CNGB3: variants seen among roughly 807,000 people sequenced by gnomAD.
The protein encoded by CNGB3 is cyclic nucleotide gated channel subunit beta 3.
In CNGB3, 86 loss-of-function variants were observed where a neutral mutation model predicts 92.8. The ratio of observed to expected loss-of-function variants is 0.93; its 90% CI spans 0.78 to 1.11. The LOEUF is 1.11. Among genes scored for constraint, CNGB3 ranks in the 50% least tolerant of loss-of-function variants. CNGB3 has a pLI of 0.00. For missense variants in CNGB3, 1,026 were observed against 956.8 expected (o/e 1.07, Z -0.95); for synonymous variants, 333 against 332.7 (o/e 1.00, Z -0.01).
At chr8:86,701,595 A>T (rs1023039228) in intron 3 of CNGB3, among the ~76,000 whole-genome samples, 8 of 152,224 alleles carry the variant, frequency 5.3e-5, no homozygotes, top group African/African-American at 1.9e-4. Context: ...AAACAGAAAG[A>T]TAACCATGCA....
At position 86,634,842 on chromosome 8, in the gene CNGB3, T is replaced by C. The variant is rs539749974; in HGVS notation, c.1179-1949A>G. On this transcript the variant is annotated intron_variant, in intron 10 of 17. Coordinates refer to ENST00000320005, the MANE Select transcript of CNGB3 (RefSeq NM_019098.5). ...TTGAGATTTTAAGATCTTCAAATAG[T>C]AAGAAGTTGAGGTTTACAAAGAAAG... Among the ~76,000 whole-genome samples the C allele has an allele frequency of 2.6e-5, 4 of 151,988 alleles. No individual in the cohort carries two copies. The South Asian group carries it at 8.3e-4, about 32-fold the overall frequency.
intron 3 of CNGB3, among the ~76,000 whole-genome samples, chr8:86,686,902 A>C (rs1824198307): frequency 6.6e-6 from 1 of 152,112 alleles, no homozygotes; most frequent in African/African-American, 2.4e-5. Flanking sequence ...AGGAACTTAT[A>C]TAATTTTTAT....
At chr8:86,635,464 G>A (rs539686738) in intron 10 of CNGB3, among the ~76,000 whole-genome samples, 65 of 151,882 alleles carry the variant, frequency 4.3e-4, no homozygotes, top group African/African-American at 1.5e-3. Context: ...ACAATCAAAT[G>A]TAAAATTTTG....
chr8:86,616,791 T>C (rs1185353995), intron 13 of CNGB3, among the ~76,000 whole-genome samples: 1 of 152,208 alleles, frequency 6.6e-6, no homozygotes, highest in Admixed American at 6.5e-5. Flanking sequence ...CTCCTGGCTT[T>C]TAGATAAGAA....
intron 3 of CNGB3, among the ~76,000 whole-genome samples, chr8:86,691,502 A>G (rs1165423403): frequency 1.3e-5 from 2 of 152,102 alleles, no homozygotes; most frequent in African/African-American, 4.8e-5. Flanking sequence ...TATGTTGGCT[A>G]TGGGTTTGTC....
chr8:86,739,781 A>C lies in CNGB3; in HGVS notation c.130-45T>G, dbSNP rs749221436. ...GATTGTATGTGATGAATTTACATAA[A>C]AATGAAGTTGAATGTAAAACATAAC... On this transcript the variant is annotated intron_variant, in intron 1 of 17. Transcript: ENST00000320005. 3.7e-6 allele frequency: 6 copies of C among 1,602,244 alleles called. No individual in the cohort carries two copies. The East Asian group carries it at 1.3e-4, about 36-fold the overall frequency.
intron 3 of CNGB3, among the ~76,000 whole-genome samples, chr8:86,692,532 A>G (rs1167586669): frequency 3.3e-5 from 5 of 152,228 alleles, no homozygotes; most frequent in East Asian, 1.9e-4. Flanking sequence ...TTTGTCTGTT[A>G]GAATAACAGC....
intron 2 of CNGB3, among the ~76,000 whole-genome samples, chr8:86,735,042 GTTTTTTTTTTTTT>G (rs60107723): frequency 2.0e-4 from 17 of 85,870 alleles, no homozygotes; most frequent in South Asian, 1.2e-3. Context: ...AATGCCGGTG[GTTTTTTTTTTTTT>G]TTTTTTTTTT....
intron 8 of CNGB3, among the ~76,000 whole-genome samples, chr8:86,645,961 A>G (rs1823286314): frequency 6.6e-6 from 1 of 151,188 alleles, no homozygotes; most frequent in African/African-American, 2.4e-5. Context: ...TGAATGGACT[A>G]TGGGGCTTTG....
intron 10 of CNGB3, among the ~76,000 whole-genome samples, chr8:86,635,083 C>A (rs1055030926): frequency 6.6e-6 from 1 of 151,480 alleles, no homozygotes; most frequent in African/African-American, 2.4e-5. Context: ...TAATTTTTTT[C>A]TAGCAGTCTT....
chr8:86,593,754 T>A, intron 15 of CNGB3: 1 of 1,267,690 alleles, frequency 7.9e-7, no homozygotes, highest in Non-Finnish European at 1.1e-6. Context: ...CGTCACCAGC[T>A]CAGGATGCCA....
rs189550419 is a variant in CNGB3 at position 86,630,405 on chromosome 8, A to G, written c.1321-1327T>C. On this transcript the variant is annotated intron_variant, in intron 11 of 17. Coordinates refer to ENST00000320005, the MANE Select transcript of CNGB3 (RefSeq NM_019098.5). ...ATAATTTGTAGTGACAGTAATTTGA[A>G]TGGTTTGTGTGATATCCTTCAGCAA... Among the ~76,000 whole-genome samples the G allele has an allele frequency of 1.3e-4, 20 of 152,266 alleles. No individual in the cohort carries two copies. In the East Asian group the frequency reaches 3.5e-3, roughly 26 times the overall value.
Position 86,576,141 on chromosome 8 carries a change from C to A in CNGB3, c.2104-11G>T, listed in dbSNP as rs773745999. ...AGAATTTTCTTTCTTCTGGAAGGAG[C>A]AATTACAAAGAACTGGTGTTGAAAT... On this transcript the variant is annotated splice_polypyrimidine_tract_variant and intron_variant, in intron 17 of 17. Transcript: ENST00000320005. The A allele has an allele frequency of 1.7e-5, 28 of 1,600,898 alleles. No homozygotes were observed. The highest frequency in any genetic ancestry group is 2.7e-5 in the African/African-American group (2 of 74,658).
intron 10 of CNGB3, among the ~76,000 whole-genome samples, chr8:86,635,861 T>TATATATATATATATATAC (rs796498363): frequency 7.5e-5 from 5 of 66,242 alleles, no homozygotes; most frequent in South Asian, 5.3e-4. Flanking sequence ...TATATATATA[T>TATATATATATATATATAC]ATACACATAC....
At chr8:86,615,594 C>T (rs956813742) in intron 13 of CNGB3, among the ~76,000 whole-genome samples, 3 of 151,616 alleles carry the variant, frequency 2.0e-5, no homozygotes, top group Non-Finnish European at 4.4e-5. Context: ...CAGAGTGAGA[C>T]CCTGTCTTAA....
chr8:86,685,045 T>C (rs1824158727), intron 3 of CNGB3, among the ~76,000 whole-genome samples: 1 of 152,066 alleles, frequency 6.6e-6, no homozygotes. Context: ...AACATCCTGG[T>C]TGTGAATTAT....
chr8:86,710,038 A>C (rs922116342), intron 3 of CNGB3, among the ~76,000 whole-genome samples: 4 of 152,144 alleles, frequency 2.6e-5, no homozygotes, highest in Non-Finnish European at 4.4e-5. Context: ...ACTCTGGCAA[A>C]TGAGTTAAGC....
intron 15 of CNGB3, chr8:86,594,607 A>G: frequency 4.2e-6 from 1 of 235,598 alleles, no homozygotes; most frequent in Non-Finnish European, 8.4e-6. Flanking sequence ...TGCAAAGCGC[A>G]GGGCAGCGAG....
chr8:86,575,719 C>T lies in CNGB3; in HGVS notation c.*85G>A, dbSNP rs900557831. On this transcript the variant is annotated 3_prime_UTR_variant, in exon 18 of 18. Coordinates refer to ENST00000320005, the MANE Select transcript of CNGB3 (RefSeq NM_019098.5). Reference sequence around the variant, plus strand: ...TCGTTTCTCAAGGGTCCCAGCATGTCGTTTCCCCTCGTTAATTTAAGTTAC... The same window carrying T: ...TCGTTTCTCAAGGGTCCCAGCATGTTGTTTCCCCTCGTTAATTTAAGTTAC... 2.1e-5 allele frequency: 26 copies of T among 1,253,960 alleles called. No individual in the cohort carries two copies. Among genetic ancestry groups the T allele is most frequent in the Non-Finnish European group, 2.7e-5 (24 of 874,436 alleles). 77.7% of individuals were successfully genotyped at this position (1,253,960 alleles called of 1,614,324 possible).
Sources: gnomAD v4.1 joint callset for allele counts (sites outside exome capture counted in the v4.1 genomes callset) on GRCh38, gnomAD v4.1.1 for gene constraint, MANE v1.5 for transcripts, NCBI Gene and HGNC (gene_info 2026-07-23, HGNC 2026-07-21) for gene names.